The following MYPOP variants were observed in gnomAD, a reference collection of about 807,000 sequenced individuals.
MYPOP encodes the protein Myb related transcription factor, partner of profilin, also known as myb-related transcription factor, partner of profilin.
MYPOP carries 21 observed loss-of-function variants against 25.7 expected under a neutral mutation model. The ratio of observed to expected loss-of-function variants is 0.82; its 90% confidence interval spans 0.58 to 1.18. MYPOP has a LOEUF of 1.18. Among genes scored for constraint, MYPOP ranks in the 50% most tolerant of loss-of-function variants. MYPOP has a pLI of 0.00. For missense variants in MYPOP, 566 were observed against 588.3 expected, an observed-to-expected ratio of 0.96 and a Z score of 0.39; for synonymous variants, 280 against 247.9, an observed-to-expected ratio of 1.13 and a Z score of -1.22.
chr19:45,896,829 G>T (rs896932016), intron 2 of MYPOP, among the ~76,000 whole-genome samples: 6 of 151,742 alleles, frequency 4.0e-5, no homozygotes, highest in Non-Finnish European at 4.4e-5. Flanking sequence ...GTTTCACCTT[G>T]TTAGCCAGGA....
At position 45,891,203 on chromosome 19, in the gene MYPOP, G is replaced by T; in HGVS notation, c.620C>A (p.Ala207Asp). Residue 207 changes from alanine (A) to aspartate (D), a missense_variant, in exon 3 of 3, where the codon GCC becomes GAC. Ala to Asp is a moderately radical substitution (Grantham distance 126). Coordinates refer to ENST00000322217, the MANE Select transcript of MYPOP (RefSeq NM_001012643.4). ...PKERESPPPS[A>D]LQPVQLPRLA... ...GCGAGGCAGCTGGACCGGCTGCAGGGCCGAAGGGGGTGGTGACTCACGCTC... is the reference window on the plus strand; with the variant it reads ...GCGAGGCAGCTGGACCGGCTGCAGGTCCGAAGGGGGTGGTGACTCACGCTC... The T allele has an allele frequency of 6.5e-7, 1 of 1,532,534 alleles. No individual in the cohort carries two copies. The highest frequency in any genetic ancestry group is 8.7e-7 in the Non-Finnish European group (1 of 1,144,202). The allele number at this position is 1,532,534 out of a possible 1,614,324, so 94.9% of individuals were successfully genotyped here. A position where few individuals can be genotyped will look rare whatever the true frequency, so the allele number is the denominator to read the frequency against.
intron 2 of MYPOP, among the ~76,000 whole-genome samples, chr19:45,897,534 C>A (rs1967223506): frequency 6.6e-6 from 1 of 152,148 alleles, no homozygotes; most frequent in African/African-American, 2.4e-5. Context: ...TCACAGGAGT[C>A]ACAGCAGTGC....
At chr19:45,891,988 C>T (rs192408123) in intron 2 of MYPOP, among the ~76,000 whole-genome samples, 3 of 151,940 alleles carry the variant, frequency 2.0e-5, no homozygotes, top group East Asian at 1.9e-4. Flanking sequence ...GGCGTGATCT[C>T]GGCTCACTGC....
chr19:45,895,837 A>G (rs1354901866), intron 2 of MYPOP, among the ~76,000 whole-genome samples: 3 of 151,838 alleles, frequency 2.0e-5, no homozygotes, highest in Admixed American at 2.0e-4. Flanking sequence ...CCAGGCTCAC[A>G]CTGCCTCTTG....
At chr19:45,897,926 CTT>C (rs988250393) in intron 2 of MYPOP, among the ~76,000 whole-genome samples, 23 of 137,852 alleles carry the variant, frequency 1.7e-4, no homozygotes, top group Admixed American at 4.4e-4. Context: ...GTTTTCTTTT[CTT>C]TTTTTTTTTT....
chr19:45,898,986 G>GT (rs1287111504), intron 2 of MYPOP, among the ~76,000 whole-genome samples: 1 of 152,134 alleles, frequency 6.6e-6, no homozygotes, highest in Non-Finnish European at 1.5e-5. Context: ...CAGCACTTTG[G>GT]GTGGCCAAGG....
At chr19:45,894,839 C>T (rs1365240137) in intron 2 of MYPOP, among the ~76,000 whole-genome samples, 1 of 151,484 alleles carries the variant, frequency 6.6e-6, no homozygotes, top group African/African-American at 2.4e-5. Context: ...CACCCTCAGC[C>T]TCCTGAGTAG....
In MYPOP at chr19:45,901,289, TCC is replaced by T; in HGVS notation, c.483_484del (p.Glu162GlyfsTer39). On this transcript the variant is annotated frameshift_variant, in exon 2 of 3. Coordinates refer to ENST00000322217, the MANE Select transcript of MYPOP (RefSeq NM_001012643.4). LOFTEE classifies it high-confidence loss of function. The surrounding 1 kb of genome is among the most constrained non-coding windows in gnomAD (Gnocchi z 5.7). ...AAGACACTCACCTGCACGTCGGTCC[TCC>T]CGGCGGTCTTCCGACAACACGTAGC... 1 of 1,451,918 alleles carries T rather than the reference TCC, an allele frequency of 6.9e-7. No individual in the cohort carries two copies. The highest frequency in any genetic ancestry group is 9.1e-7 in the Non-Finnish European group (1 of 1,103,548). 89.9% of individuals were successfully genotyped at this position (1,451,918 alleles called of 1,614,324 possible). A position where few individuals can be genotyped will look rare whatever the true frequency, so the allele number is the denominator to read the frequency against.
chr19:45,901,619 C>A lies in MYPOP; in HGVS notation c.155G>T (p.Arg52Leu). 6.2e-7 allele frequency: 1 copy of A among 1,610,356 alleles called. No individual in the cohort carries two copies. Among genetic ancestry groups the A allele is most frequent in the Non-Finnish European group, 8.5e-7 (1 of 1,179,190 alleles). ...AQSRRVSVAE[R>L]RRVWDGIAAK... is the part of the protein sequence containing the mutation. ...GGCGATGCCGTCCCACACGCGCCGC[C>A]GCTCTGCCACGCTCACCCGACGGCT... The change falls in exon 2 of 3, where the codon CGG becomes CTG. Residue 52 changes from arginine to leucine, a missense_variant. Transcript: ENST00000322217. The surrounding 1 kb of genome is among the most constrained non-coding windows in gnomAD (Gnocchi z 5.7).
rs756343315 is a variant in MYPOP, at chr19:45,901,649, G to C, written c.125C>G (p.Ala42Gly). ...VRAHYPQLYGAQSRRVSVAER... is the reference protein window; with the variant it reads ...VRAHYPQLYGGQSRRVSVAER... Reference sequence around the variant, plus strand: ...TGCCACGCTCACCCGACGGCTCTGCGCGCCGTAGAGCTGCGGGTAGTGGGC... The same window carrying C: ...TGCCACGCTCACCCGACGGCTCTGCCCGCCGTAGAGCTGCGGGTAGTGGGC... Residue 42 changes from alanine (A) to glycine (G), a missense_variant, in exon 2 of 3, where the codon GCG (alanine) becomes GGG (glycine). Ala to Gly is a moderately conservative substitution (Grantham distance 60). Coordinates refer to ENST00000322217, the MANE Select transcript of MYPOP (RefSeq NM_001012643.4). This position sits in a 1 kb window ranked among gnomAD's most constrained non-coding sequence, Gnocchi z 5.7. 9.9e-6 allele frequency: 16 copies of C among 1,610,252 alleles called. No homozygotes were observed. The highest frequency in any genetic ancestry group is 1.4e-5 in the Non-Finnish European group (16 of 1,179,172).
At chr19:45,898,211 C>T (rs1198934354) in intron 2 of MYPOP, among the ~76,000 whole-genome samples, 1 of 152,142 alleles carries the variant, frequency 6.6e-6, no homozygotes. Context: ...AGGCATGAGC[C>T]ACCGCAGCTG....
intron 1 of MYPOP, 77 bp downstream of exon 1, chr19:45,902,493 A>G (rs1282376235): frequency 6.6e-6 from 1 of 152,252 alleles, no homozygotes; most frequent in African/African-American, 2.4e-5. Flanking sequence ...ACAAGGAGAC[A>G]ACGGAGGCTA....
chr19:45,895,577 T>C (rs1967191526), intron 2 of MYPOP, among the ~76,000 whole-genome samples: 1 of 152,166 alleles, frequency 6.6e-6, no homozygotes, highest in African/African-American at 2.4e-5. Flanking sequence ...CTCCTCCTCC[T>C]GATGTCAGCT....
intron 2 of MYPOP, among the ~76,000 whole-genome samples, chr19:45,892,069 G>A (rs1466444645): frequency 6.6e-6 from 1 of 151,946 alleles, no homozygotes; most frequent in Non-Finnish European, 1.5e-5. Flanking sequence ...ACAGGCAGGC[G>A]CCACCCCGCC....
At chr19:45,894,671 T>C (rs1967177067) in intron 2 of MYPOP, among the ~76,000 whole-genome samples, 3 of 152,102 alleles carry the variant, frequency 2.0e-5, no homozygotes, top group East Asian at 1.9e-4. Context: ...TTTGAGGTGA[T>C]TGTATAGTGT....
At chr19:45,898,542 C>T (rs1003883429) in intron 2 of MYPOP, among the ~76,000 whole-genome samples, 3 of 151,668 alleles carry the variant, frequency 2.0e-5, no homozygotes, top group Non-Finnish European at 2.9e-5. Context: ...AGGCTGGTCT[C>T]GAACTCCCGA....
rs1305940858 is a variant in MYPOP at position 45,901,867 on chromosome 19, C to T, written c.-52-42G>A. 9.8e-7 allele frequency: 1 copy of T among 1,020,520 alleles called. No homozygotes were observed. The highest frequency in any genetic ancestry group is 4.4e-5 in the Admixed American group (1 of 22,740). The allele number at this position is 1,020,520 out of a possible 1,614,324, so 63.2% of individuals were successfully genotyped here. ...CACGGGGCTGGCTGGGGTTCGGGGT[C>T]CCCCCGCCGCCGCCTCTCCCAGACC... On this transcript the variant is annotated intron_variant, in intron 1 of 2. Coordinates refer to ENST00000322217, the MANE Select transcript of MYPOP (RefSeq NM_001012643.4). The surrounding 1 kb of genome is among the most constrained non-coding windows in gnomAD (Gnocchi z 5.7).
chr19:45,895,046 C>A (rs1967182986), intron 2 of MYPOP, among the ~76,000 whole-genome samples: 2 of 152,076 alleles, frequency 1.3e-5, no homozygotes, highest in South Asian at 4.1e-4. Context: ...TAAAAAAACA[C>A]AAGTCAGATA....
intron 2 of MYPOP, among the ~76,000 whole-genome samples, chr19:45,899,141 G>A (rs1240993752): frequency 6.6e-6 from 1 of 152,188 alleles, no homozygotes; most frequent in Non-Finnish European, 1.5e-5. Flanking sequence ...CAGGAGAATT[G>A]CTTGAACCTG....
Sources: allele counts gnomAD v4.1 joint callset (sites outside exome capture counted in the v4.1 genomes callset), GRCh38; gene constraint gnomAD v4.1.1; non-coding constraint Gnocchi (gnomAD v3.1); transcripts MANE v1.5; gene names NCBI Gene and HGNC (gene_info 2026-07-23, HGNC 2026-07-21).